ROBO3: variants seen among roughly 807,000 people sequenced by gnomAD.
ROBO3 encodes the protein roundabout guidance receptor 3.
In ROBO3, 97 loss-of-function variants were observed where a neutral mutation model predicts 160.5. That is an observed-to-expected ratio of 0.60 (90% CI 0.51 to 0.72). ROBO3 has a LOEUF of 0.72. Ranked by LOEUF, ROBO3 falls within the 30% of genes least tolerant of loss-of-function variation. The probability of loss-of-function intolerance (pLI) is 0.00; values close to 1 mark genes in which losing one functional copy is unlikely to be tolerated. For missense variants in ROBO3, 1,858 were observed against 1,846.5 expected, an observed-to-expected ratio of 1.01 and a Z score of -0.11; for synonymous variants, 780 against 746.2, an observed-to-expected ratio of 1.05 and a Z score of -0.74.
chr11:124,871,167 A>G, intron 7 of ROBO3, 29 bp downstream of exon 7: 7 of 1,595,582 alleles, frequency 4.4e-6, no homozygotes, highest in Non-Finnish European at 5.1e-6. Flanking sequence ...GGAGCTTCCC[A>G]TCAGCCTTCC....
Position 124,869,433 on chromosome 11 carries a change from C to CCA in ROBO3, c.488-16_488-15insAC, listed in dbSNP as rs1555044943. ...ACTCTACACCCTGCTTATTTCGCCC[C>CCA]CCACCGCCCCGCCCAGTCCTCCGTG... On this transcript the variant is annotated splice_polypyrimidine_tract_variant and intron_variant, in intron 2 of 27. Coordinates refer to ENST00000397801, the MANE Select transcript of ROBO3 (RefSeq NM_022370.4). The surrounding 1 kb of genome is among the most constrained non-coding windows in gnomAD (Gnocchi z 4.2). The CCA allele has an allele frequency of 5.0e-5, 66 of 1,317,650 alleles. 1 individual carries two copies. The highest frequency in any genetic ancestry group is 2.5e-4 in the Middle Eastern group (1 of 4,070). The allele number at this position is 1,317,650 out of a possible 1,614,324, so 81.6% of individuals were successfully genotyped here.
In ROBO3 at chr11:124,876,513, T is replaced by C. The variant is rs1227960155; in HGVS notation, c.2779+53T>C. ...ATCCGGGAGGGAGCCAGGCGGCCCATGGGGAGGGGCAGGGGCTTAGCCGCT... is the reference window on the plus strand; with the variant it reads ...ATCCGGGAGGGAGCCAGGCGGCCCACGGGGAGGGGCAGGGGCTTAGCCGCT... On this transcript the variant is annotated intron_variant, in intron 17 of 27. Coordinates refer to ENST00000397801, the MANE Select transcript of ROBO3 (RefSeq NM_022370.4). This position sits in a 1 kb window ranked among gnomAD's most constrained non-coding sequence, Gnocchi z 5.3. The C allele has an allele frequency of 3.0e-6, 4 of 1,323,062 alleles. No individual in the cohort carries two copies. The highest frequency in any genetic ancestry group is 3.9e-6 in the Non-Finnish European group (4 of 1,034,618). The allele number at this position is 1,323,062 out of a possible 1,614,324, so 82.0% of individuals were successfully genotyped here.
At position 124,877,267 on chromosome 11, in the gene ROBO3, T is replaced by G; in HGVS notation, c.2804T>G (p.Val935Gly). 1 of 1,613,864 alleles carries G rather than the reference T, an allele frequency of 6.2e-7. No homozygotes were observed. Among genetic ancestry groups the G allele is most frequent in the Non-Finnish European group, 8.5e-7 (1 of 1,179,856 alleles). ...TCATTCGCCCCCTCATTTTCCCCAG[T>G]GTCCTTCCCGCACTCAGAGGGCCTC... is the stretch of plus-strand genomic sequence containing the variant. Reference protein sequence around the residue: ...YTASFAYTPAVSFPHSEGLSG... With the variant: ...YTASFAYTPAGSFPHSEGLSG... The change falls in exon 19 of 28, where the codon GTG becomes GGG. Residue 935 changes from valine (V) to glycine (G), a missense_variant and splice_region_variant. Coordinates refer to ENST00000397801, the MANE Select transcript of ROBO3 (RefSeq NM_022370.4).
In ROBO3 at chr11:124,865,528, C is replaced by G; in HGVS notation, c.-50C>G. ...GGCTCCCAGCCCACGGGTCTCAGAC[C>G]CAGGGGCTGGGCCCCCAGCCCCCAG... On this transcript the variant is annotated 5_prime_UTR_variant, in exon 1 of 28. Transcript: ENST00000397801. This position sits in a 1 kb window ranked among gnomAD's most constrained non-coding sequence, Gnocchi z 5.5. The G allele has an allele frequency of 6.3e-7, 1 of 1,589,268 alleles. No individual in the cohort carries two copies. The highest frequency in any genetic ancestry group is 8.5e-7 in the Non-Finnish European group (1 of 1,169,662).
chr11:124,880,317 T>A, intron 26 of ROBO3, 101 bp from the exon 27 acceptor site: 1 of 1,518,674 alleles, frequency 6.6e-7, no homozygotes, highest in South Asian at 1.3e-5. Flanking sequence ...CTGCCCTTCA[T>A]CTTCTTCCAG....
chr11:124,876,624 G>A lies in ROBO3; in HGVS notation c.2779+164G>A. The A allele has an allele frequency of 1.8e-6, 1 of 555,832 alleles. No homozygotes were observed. The highest frequency in any genetic ancestry group is 2.9e-6 in the Non-Finnish European group (1 of 346,952). The allele number at this position is 555,832 out of a possible 1,614,324, so 34.4% of individuals were successfully genotyped here. A position where few individuals can be genotyped will look rare whatever the true frequency, so the allele number is the denominator to read the frequency against. On this transcript the variant is annotated intron_variant, in intron 17 of 27. Transcript: ENST00000397801. The surrounding 1 kb of genome is among the most constrained non-coding windows in gnomAD (Gnocchi z 5.3). ...GGGCGGGATACGTGGGGCGACTCGA[G>A]GAGCTGCCAGGACTAGGGAGGGCTG...
Position 124,878,304 on chromosome 11 carries a change from A to G in ROBO3, c.3188A>G (p.Lys1063Arg). 6.2e-7 allele frequency: 1 copy of G among 1,613,198 alleles called. No individual in the cohort carries two copies. Among genetic ancestry groups the G allele is most frequent in the South Asian group, 1.1e-5 (1 of 90,824 alleles). The change falls in exon 22 of 28, where the codon AAG becomes AGG. Residue 1063 changes from lysine (K) to arginine (R), a missense_variant. Physicochemically the swap from Lys to Arg is conservative, Grantham distance 26. Transcript: ENST00000397801. The surrounding 1 kb of genome is among the most constrained non-coding windows in gnomAD (Gnocchi z 4.3). ...PEWSQGDSGA[K>R]GGKVKLLGKP... ...CCCATCCTATTCTCCTCAGGAGCCA[A>G]GGGAGGCAAAGTGAAGCTTCTGGGG...
chr11:124,872,272 G>A lies in ROBO3; in HGVS notation c.1159-109G>A. On this transcript the variant is annotated intron_variant, in intron 7 of 27. Coordinates refer to ENST00000397801, the MANE Select transcript of ROBO3 (RefSeq NM_022370.4). This position sits in a 1 kb window ranked among gnomAD's most constrained non-coding sequence, Gnocchi z 4.3. ...CACATCACTGCTGGAGACAGACGAT[G>A]AACTAGAATCATAGGAATTCTCTGA... The A allele has an allele frequency of 1.9e-6, 2 of 1,031,182 alleles. No homozygotes were observed. The highest frequency in any genetic ancestry group is 1.3e-5 in the South Asian group (1 of 77,220). The allele number at this position is 1,031,182 out of a possible 1,614,324, so 63.9% of individuals were successfully genotyped here. A position where few individuals can be genotyped will look rare whatever the true frequency, so the allele number is the denominator to read the frequency against.
Position 124,872,644 on chromosome 11 carries a change from T to C in ROBO3, c.1330+92T>C, listed in dbSNP as rs898952278. The C allele has an allele frequency of 7.7e-6, 10 of 1,301,302 alleles. No homozygotes were observed. Among genetic ancestry groups the C allele is most frequent in the Middle Eastern group, 1.9e-4 (1 of 5,152 alleles). 80.6% of individuals were successfully genotyped at this position (1,301,302 alleles called of 1,614,324 possible). A position where few individuals can be genotyped will look rare whatever the true frequency, so the allele number is the denominator to read the frequency against. On this transcript the variant is annotated intron_variant, in intron 8 of 27. Transcript: ENST00000397801. The surrounding 1 kb of genome is among the most constrained non-coding windows in gnomAD (Gnocchi z 4.3). ...TTTCTCTTGGAGTCTATATACTATG[T>C]CTGCAAGAGGAGAGATGTGTTCCTG...
intron 7 of ROBO3, among the ~76,000 whole-genome samples, chr11:124,871,446 T>C (rs1159540852): frequency 6.6e-6 from 1 of 152,228 alleles, no homozygotes; most frequent in African/African-American, 2.4e-5. Context: ...ATTCAGTTTA[T>C]CTCTCCTCCT....
Position 124,869,251 on chromosome 11 carries a change from A to G in ROBO3, c.487+123A>G. ...AGCCCACTCAGCATCCTTCTTTGGG[A>G]CCGCGACCTTTGATCTCTAATGGCC... On this transcript the variant is annotated intron_variant, in intron 2 of 27. Transcript: ENST00000397801. This position sits in a 1 kb window ranked among gnomAD's most constrained non-coding sequence, Gnocchi z 4.2. 1.7e-6 allele frequency: 2 copies of G among 1,198,824 alleles called. No individual in the cohort carries two copies. The highest frequency in any genetic ancestry group is 1.5e-5 in the African/African-American group (1 of 66,012). 74.3% of individuals were successfully genotyped at this position (1,198,824 alleles called of 1,614,324 possible).
Position 124,876,872 on chromosome 11 carries a change from G to A in ROBO3, c.2780-289G>A. The A allele has an allele frequency of 3.5e-6, 2 of 572,934 alleles. No homozygotes were observed. Among genetic ancestry groups the A allele is most frequent in the Non-Finnish European group, 6.2e-6 (2 of 322,446 alleles). 35.5% of individuals were successfully genotyped at this position (572,934 alleles called of 1,614,324 possible). The stretch of plus-strand genomic sequence containing the variant: ...AAGGCGGGGCCCGCTGAAAGAAGGC[G>A]ATCCGAGTTCTGCTACTTCCTAGTA... On this transcript the variant is annotated intron_variant, in intron 17 of 27. Coordinates refer to ENST00000397801, the MANE Select transcript of ROBO3 (RefSeq NM_022370.4). This position sits in a 1 kb window ranked among gnomAD's most constrained non-coding sequence, Gnocchi z 5.3.
chr11:124,874,898 G>A lies in ROBO3; in HGVS notation c.2062G>A (p.Val688Met). 2 of 1,604,616 alleles carry A rather than the reference G, an allele frequency of 1.2e-6. No individual in the cohort carries two copies. Among genetic ancestry groups the A allele is most frequent in the Non-Finnish European group, 1.7e-6 (2 of 1,175,756 alleles). ...AGTCCTGGGACCCCGGACCCTGCAG[G>A]TGTCCTGGACTGTGAGTGTGGTATG... ...PIVLGPRTLQVSWTVDGPVQL... is the reference protein window; with the variant it reads ...PIVLGPRTLQMSWTVDGPVQL... Residue 688 changes from valine to methionine, a missense_variant, in exon 13 of 28, where the codon GTG becomes ATG. Val to Met is a conservative substitution (Grantham distance 21). Transcript: ENST00000397801.
chr11:124,871,288 AAG>A lies in ROBO3; in HGVS notation c.1158+152_1158+153del, dbSNP rs1426981112. 6 of 921,544 alleles carry A rather than the reference AAG, an allele frequency of 6.5e-6. No homozygotes were observed. The East Asian group carries it at 1.6e-4, about 25-fold the overall frequency. 57.1% of individuals were successfully genotyped at this position (921,544 alleles called of 1,614,324 possible). On this transcript the variant is annotated intron_variant, in intron 7 of 27. Transcript: ENST00000397801. Reference sequence around the variant, plus strand: ...TGCAGGTTATTTGAGAGGATTAAGTAAGATAATGAATATAAAAGGCCTGGAAC... The same window carrying A: ...TGCAGGTTATTTGAGAGGATTAAGTAATAATGAATATAAAAGGCCTGGAAC...
intron 26 of ROBO3, 67 bp from the exon 27 acceptor site, chr11:124,880,351 C>T: frequency 6.3e-7 from 1 of 1,586,978 alleles, no homozygotes; most frequent in South Asian, 1.2e-5. Flanking sequence ...GTCAGGGTGG[C>T]AGGGTGGGTG....
In ROBO3 at chr11:124,870,582, G is replaced by C; in HGVS notation, c.906-19G>C. On this transcript the variant is annotated intron_variant, in intron 5 of 27. Coordinates refer to ENST00000397801, the MANE Select transcript of ROBO3 (RefSeq NM_022370.4). The stretch of plus-strand genomic sequence containing the variant: ...TCTGTAGCTGTGGCCAACCCAGCCT[G>C]GGGTGGGGAGTGGAGCAGGTATGAG... The C allele has an allele frequency of 1.9e-6, 3 of 1,613,634 alleles. No homozygotes were observed. Among genetic ancestry groups the C allele is most frequent in the Non-Finnish European group, 2.5e-6 (3 of 1,179,806 alleles).
At position 124,865,585 on chromosome 11, in the gene ROBO3, G is replaced by T; in HGVS notation, c.8G>T (p.Arg3Leu). ...TCCCAGCTGGGTCGAGCCATGCTGCGCTACCTGCTGAAAACGCTGCTGCAG... is the reference window on the plus strand; with the variant it reads ...TCCCAGCTGGGTCGAGCCATGCTGCTCTACCTGCTGAAAACGCTGCTGCAG... ML[R>L]YLLKTLLQMN... Residue 3 changes from arginine to leucine, a missense_variant, in exon 1 of 28, where the codon CGC becomes CTC. Coordinates refer to ENST00000397801, the MANE Select transcript of ROBO3 (RefSeq NM_022370.4). This position sits in a 1 kb window ranked among gnomAD's most constrained non-coding sequence, Gnocchi z 5.5. 1 of 1,611,592 alleles carries T rather than the reference G, an allele frequency of 6.2e-7. No homozygotes were observed. Among genetic ancestry groups the T allele is most frequent in the Non-Finnish European group, 8.5e-7 (1 of 1,179,680 alleles).
intron 1 of ROBO3, among the ~76,000 whole-genome samples, chr11:124,867,056 C>A (rs11219817): frequency 6.6e-6 from 1 of 151,912 alleles, no homozygotes; most frequent in East Asian, 1.9e-4. Context: ...ATTTTGCCGC[C>A]GAGAAAACGC....
Position 124,878,570 on chromosome 11 carries a change from C to T in ROBO3, c.3321-14C>T. On this transcript the variant is annotated splice_polypyrimidine_tract_variant and intron_variant, in intron 22 of 27. Transcript: ENST00000397801. This position sits in a 1 kb window ranked among gnomAD's most constrained non-coding sequence, Gnocchi z 4.3. ...GCTGAGCCCTTTCCTTCTCTCCTGC[C>T]TCTTTGATCCCAGCTCAGAGCCAGA... The T allele has an allele frequency of 6.2e-7, 1 of 1,608,612 alleles. No homozygotes were observed. The highest frequency in any genetic ancestry group is 2.2e-5 in the East Asian group (1 of 44,660).
Sources: allele counts gnomAD v4.1 joint callset (sites outside exome capture counted in the v4.1 genomes callset), GRCh38; gene constraint gnomAD v4.1.1; non-coding constraint Gnocchi (gnomAD v3.1); transcripts MANE v1.5; gene names NCBI Gene and HGNC (gene_info 2026-07-23, HGNC 2026-07-21).